KCNMB2: variants seen among roughly 807,000 people sequenced by gnomAD.
The protein encoded by KCNMB2 is potassium calcium-activated channel subfamily M regulatory beta subunit 2.
Under a neutral mutation model 24.5 loss-of-function variants are expected in KCNMB2, and 9 were observed. That is an observed-to-expected ratio of 0.37 (90% CI 0.22 to 0.64). The LOEUF (loss-of-function observed/expected upper bound fraction) is 0.64. Ranked by LOEUF, KCNMB2 falls within the 30% of genes least tolerant of loss-of-function variation. The probability of loss-of-function intolerance (pLI) is 0.63; values close to 1 mark genes in which losing one functional copy is unlikely to be tolerated. For synonymous variants in KCNMB2, 109 were observed against 104.4 expected (o/e 1.04, Z -0.27); for missense variants, 226 against 284.3 (o/e 0.79, Z 1.47).
At chr3:178,547,523 C>T (rs1211144147) in intron 1 of KCNMB2, among the ~76,000 whole-genome samples, 1 of 152,092 alleles carries the variant, frequency 6.6e-6, no homozygotes, top group Non-Finnish European at 1.5e-5. Flanking sequence ...TGTATGCTCA[C>T]TGCCTCTATT....
intron 1 of KCNMB2, among the ~76,000 whole-genome samples, chr3:178,573,582 A>G (rs1371003496): frequency 7.8e-6 from 1 of 128,248 alleles, no homozygotes; most frequent in African/African-American, 2.7e-5. Flanking sequence ...TCTACAAAAC[A>G]TAAAAAAAAA....
At chr3:178,772,518 C>T (rs758738372) in intron 1 of KCNMB2, among the ~76,000 whole-genome samples, 1 of 152,154 alleles carries the variant, frequency 6.6e-6, no homozygotes, top group Non-Finnish European at 1.5e-5. Context: ...CCATGTGAGA[C>T]GTGTCTTTCA....
chr3:178,762,163 T>C lies in KCNMB2; in HGVS notation c.-67-45180T>C, dbSNP rs565334594. On this transcript the variant is annotated intron_variant, in intron 1 of 4. Transcript: ENST00000452583. ...TCCAGCCTGGGCGACAGAGCGAGAC[T>C]CCGTCTCAAAAAAAAACCAAAAACC... 1.5e-4 allele frequency among the ~76,000 whole-genome samples: 23 copies of C among 151,796 alleles called. No individual in the cohort carries two copies. The South Asian group carries it at 4.8e-3, about 32-fold the overall frequency.
chr3:178,783,436 C>T (rs990090411), intron 1 of KCNMB2, among the ~76,000 whole-genome samples: 4 of 151,264 alleles, frequency 2.6e-5, no homozygotes, highest in Non-Finnish European at 4.4e-5. Flanking sequence ...ATGGAATGTT[C>T]TTCCATTTGT....
intron 1 of KCNMB2, among the ~76,000 whole-genome samples, chr3:178,796,094 T>C (rs368910210): frequency 2.6e-5 from 4 of 151,966 alleles, no homozygotes; most frequent in Non-Finnish European, 5.9e-5. Flanking sequence ...TCTTATATTA[T>C]AATGTAAATG....
chr3:178,780,402 C>G (rs1449596757), intron 1 of KCNMB2, among the ~76,000 whole-genome samples: 1 of 152,180 alleles, frequency 6.6e-6, no homozygotes, highest in Non-Finnish European at 1.5e-5. Context: ...AACACCATGC[C>G]TCCCAGTTGA....
intron 1 of KCNMB2, among the ~76,000 whole-genome samples, chr3:178,686,321 G>C (rs1227224575): frequency 6.6e-6 from 1 of 152,094 alleles, no homozygotes; most frequent in East Asian, 1.9e-4. Flanking sequence ...TTCCATACTA[G>C]GTTTGGTGAT....
intron 1 of KCNMB2, among the ~76,000 whole-genome samples, chr3:178,743,700 C>A (rs981455835): frequency 3.3e-5 from 5 of 152,162 alleles, no homozygotes; most frequent in Admixed American, 3.3e-4. Context: ...GGGGGAACCA[C>A]AAACACAAAA....
At chr3:178,655,099 T>G (rs1319274225) in intron 1 of KCNMB2, among the ~76,000 whole-genome samples, 2 of 60,360 alleles carry the variant, frequency 3.3e-5, no homozygotes, top group African/African-American at 1.6e-4. Context: ...GCTCTCCCTC[T>G]CTCTCTCTCT....
chr3:178,766,381 A>G (rs943772510), intron 1 of KCNMB2, among the ~76,000 whole-genome samples: 2 of 152,034 alleles, frequency 1.3e-5, no homozygotes, highest in Admixed American at 1.3e-4. Flanking sequence ...TTTTATGGCA[A>G]TGGGGTCTCA....
intron 1 of KCNMB2, among the ~76,000 whole-genome samples, chr3:178,765,291 A>C (rs1215028626): frequency 6.6e-6 from 1 of 152,160 alleles, no homozygotes; most frequent in Non-Finnish European, 1.5e-5. Flanking sequence ...ACCCACTAAA[A>C]AAGATGCCTG....
rs929293409 is a variant in KCNMB2 at position 178,648,952 on chromosome 3, A to G, written c.-68+112241A>G. On this transcript the variant is annotated intron_variant, in intron 1 of 4. Coordinates refer to ENST00000452583, the MANE Select transcript of KCNMB2 (RefSeq NM_181361.3). ...TGTTTTTTGAATTTGCACTTCTCTA[A>G]TAAGTGTGATGTTGCTTATATCTTA... Among the ~76,000 whole-genome samples, 8 of 152,296 alleles carry G rather than the reference A, an allele frequency of 5.3e-5. 1 individual carries two copies. The East Asian group carries it at 1.4e-3, about 26-fold the overall frequency.
At chr3:178,691,107 CTTTTTTTT>C (rs71181241) in intron 1 of KCNMB2, among the ~76,000 whole-genome samples, 7 of 79,736 alleles carry the variant, frequency 8.8e-5, no homozygotes, top group South Asian at 5.1e-4. Context: ...CCCATTAAGT[CTTTTTTTT>C]TTTTTTTTTT....
intron 1 of KCNMB2, among the ~76,000 whole-genome samples, chr3:178,756,556 C>A (rs1724048866): frequency 6.6e-6 from 1 of 151,976 alleles, no homozygotes; most frequent in Admixed American, 6.6e-5. Flanking sequence ...TTAAATTTTT[C>A]CTGAACCTGG....
At chr3:178,647,388 A>G (rs1446662634) in intron 1 of KCNMB2, among the ~76,000 whole-genome samples, 1 of 152,204 alleles carries the variant, frequency 6.6e-6, no homozygotes, top group Non-Finnish European at 1.5e-5. Flanking sequence ...TAAATGAGAA[A>G]AAGAGTTTAG....
At chr3:178,627,781 G>C (rs898840266) in intron 1 of KCNMB2, among the ~76,000 whole-genome samples, 4 of 152,054 alleles carry the variant, frequency 2.6e-5, no homozygotes, top group Non-Finnish European at 5.9e-5. Context: ...ATAAGTTGTC[G>C]CTTCTCAAAG....
In KCNMB2 at chr3:178,537,086, GA is replaced by G. The variant is rs145001807; in HGVS notation, c.-68+380del. Among the ~76,000 whole-genome samples, 926 of 152,216 alleles carry G rather than the reference GA, an allele frequency of 6.1e-3. 12 individuals are homozygous for G. The highest frequency in any genetic ancestry group is 0.021 in the African/African-American group (871 of 41,534). On this transcript the variant is annotated intron_variant, in intron 1 of 4. Transcript: ENST00000452583. ...GTGGGTGGAAGGCATAAAGGTCCAA[GA>G]AAAATAAAGAGGAAGCTGTCCTTAA...
intron 1 of KCNMB2, among the ~76,000 whole-genome samples, chr3:178,777,863 A>T (rs1281015838): frequency 6.6e-6 from 1 of 152,204 alleles, no homozygotes; most frequent in Admixed American, 6.5e-5. Flanking sequence ...TTGATTTGTC[A>T]TCTAGTTTCC....
At chr3:178,841,174 C>T (rs1415963663) in intron 4 of KCNMB2, among the ~76,000 whole-genome samples, 2 of 152,236 alleles carry the variant, frequency 1.3e-5, no homozygotes, top group East Asian at 3.8e-4. Context: ...TGCTGCTAAT[C>T]TCTTTGCTAA....
Sources: allele counts gnomAD v4.1 joint callset (sites outside exome capture counted in the v4.1 genomes callset), GRCh38; gene constraint gnomAD v4.1.1; transcripts MANE v1.5; gene names NCBI Gene and HGNC (gene_info 2026-07-23, HGNC 2026-07-21).